MALRD1: variants seen among roughly 807,000 people sequenced by gnomAD.
MALRD1 encodes MAM and LDL receptor class A domain containing 1, also known as MAM and LDL-receptor class A domain-containing protein 1.
In MALRD1, 247 loss-of-function variants were observed where a neutral mutation model predicts 242.1. The observed-to-expected ratio is 1.02, with a 90% CI of 0.92 to 1.13. The LOEUF is 1.13. Among genes scored for constraint, MALRD1 ranks in the 50% most tolerant of loss-of-function variants. The pLI, the probability that MALRD1 is intolerant of heterozygous loss-of-function variation, is 0.00. For synonymous variants in MALRD1, 995 were observed against 866.6 expected (o/e 1.15, Z -2.60); for missense variants, 2,989 against 2,533.1 (o/e 1.18, Z -3.86).
intron 18 of MALRD1, among the ~76,000 whole-genome samples, chr10:19,243,658 A>G (rs1184109554): frequency 6.6e-6 from 1 of 152,104 alleles, no homozygotes; most frequent in African/African-American, 2.4e-5. Context: ...ATACAGCTGC[A>G]CAATTAGACA....
At chr10:19,438,359 T>C (rs375859885) in intron 28 of MALRD1, among the ~76,000 whole-genome samples, 40 of 152,356 alleles carry the variant, frequency 2.6e-4, no homozygotes, top group African/African-American at 9.1e-4. Context: ...CCATTTTATG[T>C]ATATACCACA....
intron 14 of MALRD1, among the ~76,000 whole-genome samples, chr10:19,188,457 T>C (rs993325366): frequency 1.3e-5 from 2 of 152,168 alleles, no homozygotes; most frequent in African/African-American, 2.4e-5. Context: ...GTGAGATAAA[T>C]TGAACTAAAG....
intron 11 of MALRD1, among the ~76,000 whole-genome samples, chr10:19,154,438 T>TTCCTC (rs774015236): frequency 2.6e-5 from 4 of 152,194 alleles, no homozygotes; most frequent in Non-Finnish European, 4.4e-5. Flanking sequence ...GGGTATAGCC[T>TTCCTC]TCCTTGTAAG....
intron 32 of MALRD1, among the ~76,000 whole-genome samples, chr10:19,542,073 G>A (rs2131378687): frequency 6.6e-6 from 1 of 152,218 alleles, no homozygotes; most frequent in South Asian, 2.1e-4. Context: ...AACTCAACTT[G>A]AAGAGTTATG....
Position 19,088,105 on chromosome 10 carries a change from C to T in MALRD1, c.517C>T (p.His173Tyr). The T allele has an allele frequency of 2.4e-6, 3 of 1,233,534 alleles. No individual in the cohort carries two copies. The highest frequency in any genetic ancestry group is 3.0e-6 in the Non-Finnish European group (3 of 987,888). 76.4% of individuals were successfully genotyped at this position (1,233,534 alleles called of 1,614,324 possible). A position where few individuals can be genotyped will look rare whatever the true frequency, so the allele number is the denominator to read the frequency against. Residue 173 changes from histidine (H) to tyrosine (Y), a missense_variant, in exon 4 of 40, where the codon CAT becomes TAT. Physicochemically the swap from His to Tyr is moderately conservative, Grantham distance 83. Transcript: ENST00000454679. Reference sequence around the variant, plus strand: ...AACTGCATGTGGAGGTCCTATTCAGCATTTATGGCAAAACACAGCTGCACT... The same window carrying T: ...AACTGCATGTGGAGGTCCTATTCAGTATTTATGGCAAAACACAGCTGCACT... ...LQTACGGPIQ[H>Y]LWQNTAALPN...
At chr10:19,603,063 G>T (rs914921997) in intron 34 of MALRD1, among the ~76,000 whole-genome samples, 3 of 151,888 alleles carry the variant, frequency 2.0e-5, no homozygotes, top group African/African-American at 7.2e-5. Flanking sequence ...TTGTAAATTT[G>T]TTTGAGTTCA....
intron 33 of MALRD1, among the ~76,000 whole-genome samples, chr10:19,593,235 C>G (rs74122014): frequency 5.3e-4 from 80 of 152,240 alleles, no homozygotes; most frequent in African/African-American, 1.9e-3. Flanking sequence ...AACATGATAG[C>G]GATGTCTCCA....
chr10:19,289,777 C>T (rs7912589), intron 21 of MALRD1, among the ~76,000 whole-genome samples: 6,287 of 152,208 alleles, frequency 0.041, 211 homozygotes, highest in African/African-American at 0.094. Context: ...CTCTCTCAGG[C>T]ATCTTGCTAT....
In MALRD1 at chr10:19,203,889, C is replaced by A. The variant is rs1836662438; in HGVS notation, c.2104+9C>A. 1 of 1,550,392 alleles carries A rather than the reference C, an allele frequency of 6.4e-7. No homozygotes were observed. The highest frequency in any genetic ancestry group is 8.7e-7 in the Non-Finnish European group (1 of 1,146,872). ...TCTCAACGCATCTCAAGGTAAGAAG[C>A]AAACAGGGACTCTACAACCACTGCT... On this transcript the variant is annotated intron_variant, in intron 15 of 39. Coordinates refer to ENST00000454679, the MANE Select transcript of MALRD1 (RefSeq NM_001142308.3).
intron 10 of MALRD1, among the ~76,000 whole-genome samples, chr10:19,143,656 G>A (rs1413739177): frequency 6.6e-6 from 1 of 152,210 alleles, no homozygotes; most frequent in Non-Finnish European, 1.5e-5. Context: ...AGGGAAGTGT[G>A]TTCTAGGAAT....
intron 18 of MALRD1, among the ~76,000 whole-genome samples, chr10:19,216,673 C>T (rs371845363): frequency 2.0e-5 from 3 of 150,520 alleles, no homozygotes; most frequent in African/African-American, 4.9e-5. Flanking sequence ...CAGCTGGGTG[C>T]GGTGGCTCAC....
chr10:19,226,127 C>T (rs1461023014), intron 18 of MALRD1, among the ~76,000 whole-genome samples: 1 of 152,046 alleles, frequency 6.6e-6, no homozygotes, highest in East Asian at 1.9e-4. Flanking sequence ...CAAATTGAGT[C>T]TAGGAATATT....
chr10:19,102,460 G>A (rs1434308515), intron 4 of MALRD1, among the ~76,000 whole-genome samples: 3 of 152,050 alleles, frequency 2.0e-5, no homozygotes, highest in Non-Finnish European at 2.9e-5. Flanking sequence ...GTAGCATATG[G>A]CTTGAAAGGA....
intron 32 of MALRD1, among the ~76,000 whole-genome samples, chr10:19,558,188 C>T (rs1309605606): frequency 5.3e-5 from 8 of 152,052 alleles, no homozygotes. Flanking sequence ...ATCATGTCAT[C>T]TATGAACAGT....
chr10:19,341,600 A>C (rs1843881526), intron 24 of MALRD1, among the ~76,000 whole-genome samples: 1 of 150,346 alleles, frequency 6.7e-6, no homozygotes, highest in Non-Finnish European at 1.5e-5. Context: ...ACACACACAC[A>C]GATATTACAG....
intron 29 of MALRD1, among the ~76,000 whole-genome samples, chr10:19,467,801 ATT>A (rs35797282): frequency 4.0e-5 from 6 of 149,672 alleles, no homozygotes; most frequent in Admixed American, 2.0e-4. Flanking sequence ...AATTAAAATA[ATT>A]TTTTTTTTGA....
At chr10:19,561,831 T>G (rs762814300) in intron 32 of MALRD1, among the ~76,000 whole-genome samples, 1 of 152,138 alleles carries the variant, frequency 6.6e-6, no homozygotes, top group South Asian at 2.1e-4. Context: ...ATATTTTCCC[T>G]CCTATACTTT....
At chr10:19,464,422 A>G (rs1365163222) in intron 29 of MALRD1, among the ~76,000 whole-genome samples, 6 of 152,112 alleles carry the variant, frequency 3.9e-5, no homozygotes. Flanking sequence ...GCATTCTCCT[A>G]CATGTGGCTT....
intron 14 of MALRD1, among the ~76,000 whole-genome samples, chr10:19,198,223 A>G (rs1049139633): frequency 6.6e-6 from 1 of 152,198 alleles, no homozygotes; most frequent in African/African-American, 2.4e-5. Flanking sequence ...TGCTGACACA[A>G]GAGGTGAGAT....
Sources: gnomAD v4.1 joint callset for allele counts (sites outside exome capture counted in the v4.1 genomes callset) on GRCh38, gnomAD v4.1.1 for gene constraint, MANE v1.5 for transcripts, NCBI Gene and HGNC (gene_info 2026-07-23, HGNC 2026-07-21) for gene names.